Variants in CARMIL1 observed in about 807,000 individuals in gnomAD.
CARMIL1 encodes the protein F-actin-uncapping protein LRRC16A.
Under a neutral mutation model 177.1 loss-of-function variants are expected in CARMIL1, and 90 were observed. The ratio of observed to expected loss-of-function variants is 0.51; its 90% CI spans 0.43 to 0.61. The LOEUF is 0.61. Among genes scored for constraint, CARMIL1 ranks in the 20% least tolerant of loss-of-function variants. CARMIL1 has a pLI of 0.00. For missense variants in CARMIL1, 1,380 were observed against 1,667.0 expected (o/e 0.83, Z 3.00); for synonymous variants, 577 against 606.2 (o/e 0.95, Z 0.71).
intron 2 of CARMIL1, among the ~76,000 whole-genome samples, chr6:25,374,188 A>T (rs908630954): frequency 5.3e-5 from 8 of 152,226 alleles, no homozygotes; most frequent in Non-Finnish European, 8.8e-5. Flanking sequence ...CTTAACTCAT[A>T]GCACTGCTCT....
rs1047429829 is a variant in CARMIL1, at chr6:25,279,396, T to C, written c.-400T>C. ...CCCGCCCTCTCCCACGCCTTCCGCT[T>C]TCACCTAGGGCTGTAGGTGCGGCGC... On this transcript the variant is annotated 5_prime_UTR_variant, in exon 1 of 37. Transcript: ENST00000329474. 6 of 290,826 alleles carry C rather than the reference T, an allele frequency of 2.1e-5. 1 individual carries two copies. In the South Asian group the frequency reaches 2.1e-4, roughly 10 times the overall value. 18.0% of individuals were successfully genotyped at this position (290,826 alleles called of 1,614,324 possible).
chr6:25,354,410 C>T (rs573512078), intron 2 of CARMIL1, among the ~76,000 whole-genome samples: 98 of 141,792 alleles, frequency 6.9e-4, no homozygotes, highest in African/African-American at 2.5e-3. Context: ...AACTCCTGGC[C>T]TCAAGTGATC....
chr6:25,300,864 C>T (rs1431299215), intron 2 of CARMIL1, among the ~76,000 whole-genome samples: 2 of 152,094 alleles, frequency 1.3e-5, no homozygotes, highest in African/African-American at 4.8e-5. Context: ...AAGTTAGCTC[C>T]AGTTAGAGAC....
chr6:25,551,058 C>G lies in CARMIL1; in HGVS notation c.2477C>G (p.Ser826Cys). ...TFVKNVLLEQ[S>C]GIDILNKISE... The stretch of plus-strand genomic sequence containing the variant: ...GTTAAAAATGTCCTGTTGGAGCAGT[C>G]TGGAATTGATATCCTTAACAAAATT... The change falls in exon 27 of 37, where the codon TCT becomes TGT. Residue 826 changes from serine to cysteine, a missense_variant. Ser to Cys is a moderately radical substitution (Grantham distance 112). Coordinates refer to ENST00000329474, the MANE Select transcript of CARMIL1 (RefSeq NM_017640.6). The G allele has an allele frequency of 3.1e-6, 5 of 1,613,166 alleles. No homozygotes were observed. Among genetic ancestry groups the G allele is most frequent in the Non-Finnish European group, 4.2e-6 (5 of 1,179,458 alleles).
chr6:25,437,055 G>A (rs2150773886), intron 5 of CARMIL1, among the ~76,000 whole-genome samples: 2 of 152,296 alleles, frequency 1.3e-5, no homozygotes, highest in East Asian at 3.9e-4. Context: ...TTAGGAATGG[G>A]TTCGACATCA....
chr6:25,525,041 G>A (rs1346528336), intron 23 of CARMIL1, among the ~76,000 whole-genome samples: 1 of 152,134 alleles, frequency 6.6e-6, no homozygotes, highest in Admixed American at 6.5e-5. Context: ...AAAGAAAAGA[G>A]AGAAAGGAAC....
At chr6:25,436,335 CA>C (rs1352183827) in intron 5 of CARMIL1, among the ~76,000 whole-genome samples, 1 of 152,152 alleles carries the variant, frequency 6.6e-6, no homozygotes, top group Non-Finnish European at 1.5e-5. Context: ...TCACAGATGG[CA>C]GAAAATTTCC....
intron 2 of CARMIL1, among the ~76,000 whole-genome samples, chr6:25,371,471 A>G (rs1321986488): frequency 6.6e-6 from 1 of 152,174 alleles, no homozygotes; most frequent in African/African-American, 2.4e-5. Context: ...GTAAGGTGGT[A>G]TCTTGTTGTG....
chr6:25,548,339 G>C (rs542907540), intron 26 of CARMIL1, among the ~76,000 whole-genome samples: 1 of 152,156 alleles, frequency 6.6e-6, no homozygotes, highest in African/African-American at 2.4e-5. Flanking sequence ...TCACAGTAAA[G>C]AACTTAGCAA....
In CARMIL1 at chr6:25,495,098, G is replaced by A. The variant is rs765279834; in HGVS notation, c.1221-13G>A. The A allele has an allele frequency of 2.6e-6, 4 of 1,535,414 alleles. No homozygotes were observed. The highest frequency in any genetic ancestry group is 3.6e-6 in the Non-Finnish European group (4 of 1,110,062). The stretch of plus-strand genomic sequence containing the variant: ...AGGTGTAACCGCTTGTGTAACTCTT[G>A]TGTTTTTTTCAGGAAAGGAAAAGAA... On this transcript the variant is annotated splice_polypyrimidine_tract_variant and intron_variant, in intron 15 of 36. Transcript: ENST00000329474.
intron 36 of CARMIL1, among the ~76,000 whole-genome samples, chr6:25,617,963 G>T (rs7761700): frequency 6.6e-6 from 1 of 151,954 alleles, no homozygotes; most frequent in Non-Finnish European, 1.5e-5. Flanking sequence ...TCTTCCCCCA[G>T]TTTGAGAATT....
At chr6:25,287,159 T>G (rs1256063577) in intron 2 of CARMIL1, among the ~76,000 whole-genome samples, 3 of 152,192 alleles carry the variant, frequency 2.0e-5, no homozygotes, top group Non-Finnish European at 4.4e-5. Context: ...TTAGAGAAAT[T>G]TAATTGCTTA....
At chr6:25,322,268 G>A (rs962491333) in intron 2 of CARMIL1, among the ~76,000 whole-genome samples, 9 of 152,124 alleles carry the variant, frequency 5.9e-5, no homozygotes, top group African/African-American at 1.7e-4. Context: ...GATTACAGGC[G>A]CTCTCCACCA....
intron 23 of CARMIL1, among the ~76,000 whole-genome samples, chr6:25,522,713 C>T (rs535184113): frequency 1.1e-4 from 16 of 152,278 alleles, no homozygotes; most frequent in African/African-American, 3.8e-4. Context: ...GTTTTATTCT[C>T]CTAATGGTCT....
At chr6:25,411,236 G>A (rs9358854) in intron 2 of CARMIL1, among the ~76,000 whole-genome samples, 54,159 of 151,974 alleles carry the variant, frequency 0.36, 10,325 homozygotes, top group African/African-American at 0.47. Flanking sequence ...CAATAGTTGA[G>A]GGCCTGGGTA....
chr6:25,331,016 T>G (rs1433509490), intron 2 of CARMIL1, among the ~76,000 whole-genome samples: 1 of 152,078 alleles, frequency 6.6e-6, no homozygotes, highest in Non-Finnish European at 1.5e-5. Flanking sequence ...GAAATTTGTT[T>G]GCTTATAATA....
chr6:25,543,377 A>G (rs1486605148), intron 26 of CARMIL1, among the ~76,000 whole-genome samples: 3 of 152,180 alleles, frequency 2.0e-5, no homozygotes, highest in African/African-American at 7.2e-5. Flanking sequence ...AGGAGAGAAA[A>G]GCAGTAAGTC....
chr6:25,494,092 T>C (rs1803471413), intron 15 of CARMIL1, among the ~76,000 whole-genome samples: 1 of 149,340 alleles, frequency 6.7e-6, no homozygotes, highest in South Asian at 2.1e-4. Context: ...AATATTATTA[T>C]TATTATTATT....
chr6:25,406,551 A>T (rs545353931), intron 2 of CARMIL1, among the ~76,000 whole-genome samples: 1 of 152,286 alleles, frequency 6.6e-6, no homozygotes, highest in East Asian at 1.9e-4. Flanking sequence ...CAGGAGCAAG[A>T]GGGTGGTGGC....
Sources: allele counts gnomAD v4.1 joint callset (sites outside exome capture counted in the v4.1 genomes callset), GRCh38; gene constraint gnomAD v4.1.1; transcripts MANE v1.5; gene names NCBI Gene and HGNC (gene_info 2026-07-23, HGNC 2026-07-21).